The following TMEM87A variants were observed in gnomAD, a reference collection of about 807,000 sequenced individuals.
The protein encoded by TMEM87A is Golgi-pH regulating cation channel.
Under a neutral mutation model 90.0 loss-of-function variants are expected in TMEM87A, and 50 were observed. The ratio of observed to expected loss-of-function variants is 0.56; its 90% CI spans 0.44 to 0.70. The LOEUF is 0.70. Among genes scored for constraint, TMEM87A ranks in the 30% least tolerant of loss-of-function variants. The probability of loss-of-function intolerance (pLI) is 0.00; values close to 1 mark genes in which losing one functional copy is unlikely to be tolerated. For missense variants in TMEM87A, 577 were observed against 660.5 expected, an observed-to-expected ratio of 0.87 and a Z score of 1.39; for synonymous variants, 226 against 226.7, an observed-to-expected ratio of 1.00 and a Z score of 0.03.
At chr15:42,229,105 C>T (rs544572642) in intron 12 of TMEM87A, among the ~76,000 whole-genome samples, 6 of 152,134 alleles carry the variant, frequency 3.9e-5, no homozygotes, top group East Asian at 3.9e-4. Context: ...GAAGCTCAAG[C>T]GATCCTCCCA....
intron 19 of TMEM87A, among the ~76,000 whole-genome samples, chr15:42,214,197 A>C (rs2050343203): frequency 1.3e-5 from 2 of 152,274 alleles, no homozygotes; most frequent in African/African-American, 4.8e-5. Context: ...CCAACAAAAA[A>C]ACAGCCCAGG....
At chr15:42,259,860 T>C (rs377149277) in intron 6 of TMEM87A, among the ~76,000 whole-genome samples, 2 of 152,172 alleles carry the variant, frequency 1.3e-5, no homozygotes, top group South Asian at 2.1e-4. Context: ...CACAAGTCCA[T>C]GTATTATATG....
intron 19 of TMEM87A, among the ~76,000 whole-genome samples, chr15:42,212,170 ATG>A (rs1012713158): frequency 2.0e-5 from 3 of 152,196 alleles, no homozygotes; most frequent in Non-Finnish European, 2.9e-5. Context: ...TTGATTTGTT[ATG>A]TGTTTTTTAC....
intron 6 of TMEM87A, among the ~76,000 whole-genome samples, chr15:42,260,568 A>G (rs752735037): frequency 8.5e-5 from 13 of 152,228 alleles, no homozygotes; most frequent in Non-Finnish European, 1.8e-4. Context: ...TACAATGCAT[A>G]TTTATGAAAA....
intron 2 of TMEM87A, among the ~76,000 whole-genome samples, chr15:42,270,175 G>C (rs567099777): frequency 6.6e-6 from 1 of 152,164 alleles, no homozygotes; most frequent in African/African-American, 2.4e-5. Context: ...TTCGAGACCA[G>C]CCTGGCCAAT....
At chr15:42,242,078 G>GAAAAAAAAAAAAAA (rs900485332) in intron 7 of TMEM87A, among the ~76,000 whole-genome samples, 1 of 111,182 alleles carries the variant, frequency 9.0e-6, no homozygotes, top group African/African-American at 3.4e-5. Context: ...AAAAAAAAAA[G>GAAAAAAAAAAAAAA]AAAAAAAAAA....
chr15:42,229,577 A>G (rs1228264125), intron 12 of TMEM87A, among the ~76,000 whole-genome samples: 2 of 151,690 alleles, frequency 1.3e-5, no homozygotes, highest in Non-Finnish European at 2.9e-5. Flanking sequence ...TGAGGGTCAT[A>G]ATTATACTCG....
At chr15:42,249,339 G>T (rs920847618) in intron 6 of TMEM87A, among the ~76,000 whole-genome samples, 2 of 152,072 alleles carry the variant, frequency 1.3e-5, no homozygotes, top group African/African-American at 4.8e-5. Context: ...GAATTTGTTT[G>T]CTCTTGCTTC....
At chr15:42,258,225 G>T in intron 6 of TMEM87A, 1 of 922,720 alleles carries the variant, frequency 1.1e-6, no homozygotes, top group Non-Finnish European at 1.3e-6. Context: ...ATATTGCTAA[G>T]CTACAAAAAA....
At chr15:42,262,287 C>T (rs2051310987) in intron 4 of TMEM87A, 1 of 152,196 alleles carries the variant, frequency 6.6e-6, no homozygotes, top group South Asian at 2.1e-4. Context: ...ATACAAACTA[C>T]ACAACATCAC....
chr15:42,252,484 C>A (rs973683810), intron 6 of TMEM87A, among the ~76,000 whole-genome samples: 2 of 152,176 alleles, frequency 1.3e-5, no homozygotes, highest in Admixed American at 6.5e-5. Context: ...GTGAGCCTCT[C>A]AATCTTTCTG....
At chr15:42,232,000 G>T in intron 11 of TMEM87A, 1 of 688,588 alleles carries the variant, frequency 1.5e-6, no homozygotes, top group Non-Finnish European at 1.9e-6. Flanking sequence ...ACAGAGGACA[G>T]TGTGATTTGA....
Position 42,231,205 on chromosome 15 carries a change from G to A in TMEM87A, c.1118C>T (p.Ala373Val). 1 of 1,600,656 alleles carries A rather than the reference G, an allele frequency of 6.2e-7. No individual in the cohort carries two copies. Among genetic ancestry groups the A allele is most frequent in the Non-Finnish European group, 8.5e-7 (1 of 1,174,672 alleles). ...AFIPLAFLDT[A>V]LCWWIFISLT... ...TGAGAAGGATATCCACCAGCACAAG[G>A]CAGTGTCTAGGAAAGCCAAGGGGAT... Residue 373 changes from alanine to valine, a missense_variant, in exon 12 of 20, where the codon GCC becomes GTC. Transcript: ENST00000389834.
intron 3 of TMEM87A, among the ~76,000 whole-genome samples, chr15:42,266,082 G>A (rs59974698): frequency 0.1 from 15,736 of 152,148 alleles, 1,179 homozygotes; most frequent in Admixed American, 0.19. Context: ...TGTCTGTTTT[G>A]GTTACTGTAG....
At chr15:42,262,118 C>A (rs1323430907) in intron 4 of TMEM87A, 2 of 152,140 alleles carry the variant, frequency 1.3e-5, no homozygotes, top group African/African-American at 4.8e-5. Flanking sequence ...GAGAGGAAAC[C>A]TTACCAATAA....
chr15:42,232,262 CTG>C, intron 11 of TMEM87A, among the ~76,000 whole-genome samples: 1 of 152,232 alleles, frequency 6.6e-6, no homozygotes, highest in Middle Eastern at 3.4e-3. Context: ...AGGTATCACT[CTG>C]TTGCTGGAGT....
intron 3 of TMEM87A, among the ~76,000 whole-genome samples, 192 bp downstream of exon 3, chr15:42,267,755 A>G (rs2051434272): frequency 6.6e-6 from 1 of 152,336 alleles, no homozygotes; most frequent in East Asian, 1.9e-4. Context: ...AGTCCACAAT[A>G]ATTTTTACAA....
At chr15:42,226,241 C>T (rs2050589497) in intron 15 of TMEM87A, among the ~76,000 whole-genome samples, 1 of 151,956 alleles carries the variant, frequency 6.6e-6, no homozygotes, top group Admixed American at 6.6e-5. Flanking sequence ...CTCAGGTGAT[C>T]CAACTGCCTT....
chr15:42,237,993 GTATA>G (rs541273408), intron 8 of TMEM87A, among the ~76,000 whole-genome samples: 53 of 14,158 alleles, frequency 3.7e-3, no homozygotes, highest in Admixed American at 0.014. Context: ...GCTCTCATAT[GTATA>G]TATATATATG....
Sources: allele counts gnomAD v4.1 joint callset (sites outside exome capture counted in the v4.1 genomes callset), GRCh38; gene constraint gnomAD v4.1.1; transcripts MANE v1.5; gene names NCBI Gene and HGNC (gene_info 2026-07-23, HGNC 2026-07-21).